The following UGT1A1 variants were observed in gnomAD, a reference collection of about 807,000 sequenced individuals.
The protein encoded by UGT1A1 is UDP glucuronosyltransferase family 1 member A1.
A neutral mutation model predicts 40.6 loss-of-function variants in UGT1A1; 33 were observed. The ratio of observed to expected loss-of-function variants is 0.81; its 90% CI spans 0.62 to 1.09. UGT1A1 has a LOEUF of 1.09. Among genes scored for constraint, UGT1A1 ranks in the 50% least tolerant of loss-of-function variants. The probability of loss-of-function intolerance (pLI) is 0.00; values close to 1 mark genes in which losing one functional copy is unlikely to be tolerated. For synonymous variants in UGT1A1, 249 were observed against 265.0 expected (o/e 0.94, Z 0.59); for missense variants, 694 against 671.2 (o/e 1.03, Z -0.38).
rs944391861 is a variant in UGT1A1, at chr2:233,772,995, T to C, written c.*436T>C. ...ACCAATAATGGTCAGTCCTCATCTC[T>C]GTCGTGCTTCATAGGTGCCACCTTG... On this transcript the variant is annotated 3_prime_UTR_variant, in exon 5 of 5. Transcript: ENST00000305208. The C allele has an allele frequency of 2.4e-5, 6 of 254,024 alleles. No individual in the cohort carries two copies. The highest frequency in any genetic ancestry group is 1.4e-4 in the African/African-American group (6 of 44,320). The allele number at this position is 254,024 out of a possible 1,614,324, so 15.7% of individuals were successfully genotyped here.
At chr2:233,763,944 G>T (rs1331783792) in intron 1 of UGT1A1, among the ~76,000 whole-genome samples, 1 of 152,182 alleles carries the variant, frequency 6.6e-6, no homozygotes, top group South Asian at 2.1e-4. Flanking sequence ...AGGAAAGCTT[G>T]GGAGCAGGGA....
rs752968297 is a variant in UGT1A1 at position 233,768,220 on chromosome 2, G to T, written c.1085G>T (p.Gly362Val). 65 of 1,614,160 alleles carry T rather than the reference G, an allele frequency of 4.0e-5. No homozygotes were observed. In the Admixed American group the frequency reaches 1.0e-3, roughly 25 times the overall value. Residue 362 changes from glycine to valine, a missense_variant and splice_region_variant, in exon 4 of 5, where the codon GGT (glycine) becomes GTT (valine). Gly to Val is a moderately radical substitution (Grantham distance 109, BLOSUM62 -3). Transcript: ENST00000305208. Reference sequence around the variant, plus strand: ...ACATCCTCCCTATTTTGCATCTCAGGTCACCCGATGACCCGTGCCTTTATC... The same window carrying T: ...ACATCCTCCCTATTTTGCATCTCAGTTCACCCGATGACCCGTGCCTTTATC... ...VKWLPQNDLL[G>V]HPMTRAFITH...
chr2:233,768,192 CT>C, intron 3 of UGT1A1, 27 bp from the exon 4 acceptor site: 1 of 1,614,080 alleles, frequency 6.2e-7, no homozygotes, highest in Non-Finnish European at 8.5e-7. Context: ...GATGTAACTG[CT>C]GACATCCTCC....
In UGT1A1 at chr2:233,768,328, T is replaced by C. The variant is rs755527328; in HGVS notation, c.1193T>C (p.Met398Thr). The C allele has an allele frequency of 1.9e-6, 3 of 1,614,176 alleles. No homozygotes were observed. The highest frequency in any genetic ancestry group is 2.5e-6 in the Non-Finnish European group (3 of 1,180,040). ...ATGATGCCCTTGTTTGGTGATCAGATGGACAATGCAAAGCGCATGGAGACT... is the reference window on the plus strand; with the variant it reads ...ATGATGCCCTTGTTTGGTGATCAGACGGACAATGCAAAGCGCATGGAGACT... ...MVMMPLFGDQMDNAKRMETKG... is the reference protein window; with the variant it reads ...MVMMPLFGDQTDNAKRMETKG... The change falls in exon 4 of 5, where the codon ATG becomes ACG. Residue 398 changes from methionine (M) to threonine (T), a missense_variant. By Grantham distance (81) the Met-to-Thr change is moderately conservative. Transcript: ENST00000305208.
chr2:233,772,537 C>T lies in UGT1A1; in HGVS notation c.1580C>T (p.Ala527Val). 1 of 1,614,090 alleles carries T rather than the reference C, an allele frequency of 6.2e-7. No individual in the cohort carries two copies. Among genetic ancestry groups the T allele is most frequent in the South Asian group, 1.1e-5 (1 of 91,078 alleles). ...GGGAAAAAAGGGCGAGTTAAGAAAG[C>T]CCACAAATCCAAGACCCATTGAGAA... ...CLGKKGRVKK[A>V]HKSKTH Residue 527 changes from alanine to valine, a missense_variant, in exon 5 of 5, where the codon GCC becomes GTC. Ala to Val is a moderately conservative substitution (Grantham distance 64, BLOSUM62 0). Transcript: ENST00000305208.
At chr2:233,768,032 T>A in intron 3 of UGT1A1, 96 bp downstream of exon 3, 1 of 1,612,548 alleles carries the variant, frequency 6.2e-7, no homozygotes, top group Non-Finnish European at 8.5e-7. Flanking sequence ...AGCTTGAAAA[T>A]ATTATGGCCA....
Position 233,760,792 on chromosome 2 carries a change from G to A in UGT1A1, c.505G>A (p.Val169Ile), listed in dbSNP as rs1185395607. 1.2e-6 allele frequency: 2 copies of A among 1,613,510 alleles called. No individual in the cohort carries two copies. The highest frequency in any genetic ancestry group is 1.7e-6 in the Non-Finnish European group (2 of 1,179,558). ...GGCCCAGTACCTGTCTCTGCCCACT[G>A]TATTCTTCTTGCATGCACTGCCATG... Reference protein sequence around the residue: ...IVAQYLSLPTVFFLHALPCSL... With the variant: ...IVAQYLSLPTIFFLHALPCSL... Residue 169 changes from valine to isoleucine, a missense_variant, in exon 1 of 5, where the codon GTA becomes ATA. Transcript: ENST00000305208.
At chr2:233,761,241 A>G in intron 1 of UGT1A1, 90 bp downstream of exon 1, 1 of 1,611,640 alleles carries the variant, frequency 6.2e-7, no homozygotes, top group Non-Finnish European at 8.5e-7. Context: ...TATGCTGAGC[A>G]AGCATTCTGA....
chr2:233,760,673 A>T lies in UGT1A1; in HGVS notation c.386A>T (p.His129Leu), dbSNP rs1191873899. 1.9e-6 allele frequency: 3 copies of T among 1,614,096 alleles called. No individual in the cohort carries two copies. Among genetic ancestry groups the T allele is most frequent in the East Asian group, 2.2e-5 (1 of 44,902 alleles). ...GCTATGCTTTTGTCTGGCTGTTCCC[A>T]CTTACTGCACAACAAGGAGCTCATG... ...DSAMLLSGCS[H>L]LLHNKELMAS... Residue 129 changes from histidine (H) to leucine (L), a missense_variant, in exon 1 of 5, where the codon CAC becomes CTC. Physicochemically the swap from His to Leu is moderately conservative, Grantham distance 99. Transcript: ENST00000305208.
intron 1 of UGT1A1, among the ~76,000 whole-genome samples, chr2:233,766,480 T>TG (rs1699163559): frequency 6.6e-6 from 1 of 152,128 alleles, no homozygotes; most frequent in Non-Finnish European, 1.5e-5. Context: ...AGGCACATGA[T>TG]GGGGGCGTGG....
In UGT1A1 at chr2:233,769,240, G is replaced by A. The variant is rs1056982803; in HGVS notation, c.1304+801G>A. The stretch of plus-strand genomic sequence containing the variant: ...TTAGAATAAGAGCAAAGGAAAATTT[G>A]CTCAAATGTGGCCCTGAAAACGATT... On this transcript the variant is annotated intron_variant, in intron 4 of 4. Transcript: ENST00000305208. This position sits in a 1 kb window ranked among gnomAD's most constrained non-coding sequence, Gnocchi z 4.4. 6.6e-6 allele frequency among the ~76,000 whole-genome samples: 1 copy of A among 152,196 alleles called. No individual in the cohort carries two copies. The highest frequency in any genetic ancestry group is 6.5e-5 in the Admixed American group (1 of 15,280).
At chr2:233,768,114 G>A (rs763965900) in intron 3 of UGT1A1, 106 bp from the exon 4 acceptor site, 19 of 1,597,766 alleles carry the variant, frequency 1.2e-5, no homozygotes, top group Non-Finnish European at 1.6e-5. Flanking sequence ...TTCTGCAAGG[G>A]CATGTGAGTA....
rs774438667 is a variant in UGT1A1 at position 233,767,136 on chromosome 2, G to T, written c.967G>T (p.Ala323Ser). 3.1e-6 allele frequency: 5 copies of T among 1,614,110 alleles called. No individual in the cohort carries two copies. Among genetic ancestry groups the T allele is most frequent in the Admixed American group, 1.7e-5 (1 of 60,022 alleles). The stretch of plus-strand genomic sequence containing the variant: ...TCCAGAGAAGAAAGCTATGGCAATT[G>T]CTGATGCTTTGGGCAAAATCCCTCA... The part of the protein sequence containing the change: ...EIPEKKAMAI[A>S]DALGKIPQTV... Residue 323 changes from alanine to serine, a missense_variant, in exon 2 of 5, where the codon GCT (alanine) becomes TCT (serine). By Grantham distance (99) the Ala-to-Ser change is moderately conservative. Coordinates refer to ENST00000305208, the MANE Select transcript of UGT1A1 (RefSeq NM_000463.3).
At chr2:233,761,234 G>A in intron 1 of UGT1A1, 83 bp downstream of exon 1, 1 of 1,612,826 alleles carries the variant, frequency 6.2e-7, no homozygotes, top group Non-Finnish European at 8.5e-7. Flanking sequence ...CCAGATATAT[G>A]CTGAGCAAGC....
At chr2:233,764,755 C>T (rs1698636396) in intron 1 of UGT1A1, among the ~76,000 whole-genome samples, 1 of 152,062 alleles carries the variant, frequency 6.6e-6, no homozygotes, top group Non-Finnish European at 1.5e-5. Context: ...TGGTGCAGAC[C>T]CTAGGGAGGA....
At chr2:233,765,999 C>T (rs1036845415) in intron 1 of UGT1A1, among the ~76,000 whole-genome samples, 2 of 151,990 alleles carry the variant, frequency 1.3e-5, no homozygotes, top group Non-Finnish European at 1.5e-5. Flanking sequence ...CTCCAGTGGG[C>T]GTGGGTTATG....
chr2:233,764,097 A>C (rs535493986), intron 1 of UGT1A1, among the ~76,000 whole-genome samples: 6 of 152,334 alleles, frequency 3.9e-5, no homozygotes, highest in African/African-American at 1.4e-4. Flanking sequence ...CTAAACTAAA[A>C]ATACAAAATT....
Position 233,767,108 on chromosome 2 carries a change from A to T in UGT1A1, c.939A>T (p.Glu313Asp). ...TCTCTTTGGGATCAATGGTCTCAGA[A>T]ATTCCAGAGAAGAAAGCTATGGCAA... The part of the protein sequence containing the change: ...VVFSLGSMVS[E>D]IPEKKAMAIA... The change falls in exon 2 of 5, where the codon GAA (glutamate) becomes GAT (aspartate). Residue 313 changes from glutamate (E) to aspartate (D), a missense_variant. Glu to Asp is a conservative substitution (Grantham distance 45). Coordinates refer to ENST00000305208, the MANE Select transcript of UGT1A1 (RefSeq NM_000463.3). 1 of 1,614,166 alleles carries T rather than the reference A, an allele frequency of 6.2e-7. No individual in the cohort carries two copies.
Position 233,773,101 on chromosome 2 carries a change from T to A in UGT1A1, c.*542T>A, listed in dbSNP as rs1321886255. On this transcript the variant is annotated 3_prime_UTR_variant, in exon 5 of 5. Coordinates refer to ENST00000305208, the MANE Select transcript of UGT1A1 (RefSeq NM_000463.3). ...GGCTTGGAGTGCACTGAGAACAGCA[T>A]ATGATTTCTTGCTTTGGGGAAAAAG... is the stretch of plus-strand genomic sequence containing the variant. The A allele has an allele frequency of 6.4e-6, 1 of 156,412 alleles. No homozygotes were observed. The highest frequency in any genetic ancestry group is 2.4e-5 in the African/African-American group (1 of 41,460). The allele number at this position is 156,412 out of a possible 1,614,324, so 9.7% of individuals were successfully genotyped here.
Sources: allele counts gnomAD v4.1 joint callset (sites outside exome capture counted in the v4.1 genomes callset), GRCh38; gene constraint gnomAD v4.1.1; non-coding constraint Gnocchi (gnomAD v3.1); transcripts MANE v1.5; gene names NCBI Gene and HGNC (gene_info 2026-07-23, HGNC 2026-07-21).